CYP2C18: variants seen among roughly 807,000 people sequenced by gnomAD.
The protein encoded by CYP2C18 is cytochrome P450 family 2 subfamily C member 18, also known as cytochrome P450 2C18.
In CYP2C18, 38 loss-of-function variants were observed where a neutral mutation model predicts 41.3. The observed-to-expected ratio is 0.92, with a 90% confidence interval of 0.71 to 1.21. CYP2C18 has a LOEUF of 1.21. Among genes scored for constraint, CYP2C18 ranks in the 50% most tolerant of loss-of-function variants. The pLI is 0.00. For missense variants in CYP2C18, 635 were observed against 591.4 expected, an observed-to-expected ratio of 1.07 and a Z score of -0.77; for synonymous variants, 236 against 210.0, an observed-to-expected ratio of 1.12 and a Z score of -1.07.
rs113297790 is a variant in CYP2C18 at position 94,695,297 on chromosome 10, C to G, written c.642+220C>G. Among the ~76,000 whole-genome samples, 10 of 152,222 alleles carry G rather than the reference C, an allele frequency of 6.6e-5. No individual in the cohort carries two copies. In the East Asian group the frequency reaches 1.5e-3, roughly 24 times the overall value. On this transcript the variant is annotated intron_variant, in intron 4 of 8. Transcript: ENST00000285979. ...CCTAATGCTATCCCTCCCTTTACCC[C>G]CAATCACCCAACAGGCCCTGGTGTG...
intron 1 of CYP2C18, 74 bp downstream of exon 1, chr10:94,684,061 T>TTTATCAC: frequency 9.4e-7 from 1 of 1,058,984 alleles, no homozygotes; most frequent in Non-Finnish European, 1.3e-6. Context: ...TTTTATTTCA[T>TTTATCAC]TTTAAAGTGA....
chr10:94,735,568 A>G lies in CYP2C18; in HGVS notation c.*124A>G. On this transcript the variant is annotated 3_prime_UTR_variant, in exon 9 of 9. Coordinates refer to ENST00000285979, the MANE Select transcript of CYP2C18 (RefSeq NM_000772.3). ...CTGACTTGTCAATCCACATCTTCCCATTCCCTCAAGATCCAATGAACATCC... is the reference window on the plus strand; with the variant it reads ...CTGACTTGTCAATCCACATCTTCCCGTTCCCTCAAGATCCAATGAACATCC... The G allele has an allele frequency of 2.1e-6, 2 of 966,760 alleles. No homozygotes were observed. Among genetic ancestry groups the G allele is most frequent in the Admixed American group, 2.3e-5 (1 of 44,170 alleles). 59.9% of individuals were successfully genotyped at this position (966,760 alleles called of 1,614,324 possible).
chr10:94,723,979 T>A (rs1299428818), intron 6 of CYP2C18, among the ~76,000 whole-genome samples: 2 of 152,148 alleles, frequency 1.3e-5, no homozygotes, highest in East Asian at 3.9e-4. Flanking sequence ...AATTAAAGTT[T>A]TAAAACATTA....
At chr10:94,717,507 G>A (rs2134199851) in intron 5 of CYP2C18, among the ~76,000 whole-genome samples, 1 of 152,186 alleles carries the variant, frequency 6.6e-6, no homozygotes, top group South Asian at 2.1e-4. Flanking sequence ...TTGAATATCG[G>A]CCCCCACTCT....
Position 94,724,485 on chromosome 10 carries a change from C to G in CYP2C18, c.1101C>G (p.Pro367=), listed in dbSNP as rs756066548. 71 of 1,613,480 alleles carry G rather than the reference C, an allele frequency of 4.4e-5. No individual in the cohort carries two copies. Among genetic ancestry groups the G allele is most frequent in the East Asian group, 3.3e-4 (15 of 44,852 alleles). ...RYIDLLPTNL[P]HAVTCDVKFK... ...TTGACCTCCTCCCCACCAACCTGCC[C>G]CATGCAGTGACCTGTGATGTTAAAT... The change falls in exon 7 of 9, where the codon CCC becomes CCG. Residue 367 remains proline (P), a synonymous_variant. Transcript: ENST00000285979.
chr10:94,733,226 G>A, intron 7 of CYP2C18, 71 bp from the exon 8 acceptor site: 3 of 1,424,392 alleles, frequency 2.1e-6, no homozygotes, highest in Non-Finnish European at 2.9e-6. Flanking sequence ...GATTGGACTA[G>A]GTGATTTCCA....
At chr10:94,715,106 A>G (rs1589802154) in intron 5 of CYP2C18, among the ~76,000 whole-genome samples, 1 of 152,202 alleles carries the variant, frequency 6.6e-6, no homozygotes, top group South Asian at 2.1e-4. Flanking sequence ...TTCTAAATAT[A>G]CAATCATGTC....
intron 7 of CYP2C18, among the ~76,000 whole-genome samples, chr10:94,726,701 T>G (rs1847749054): frequency 1.3e-5 from 2 of 151,508 alleles, no homozygotes; most frequent in African/African-American, 4.9e-5. Context: ...GACTGTAACC[T>G]CTCTGAGTTC....
At chr10:94,732,885 C>T (rs1847857528) in intron 7 of CYP2C18, among the ~76,000 whole-genome samples, 1 of 151,780 alleles carries the variant, frequency 6.6e-6, no homozygotes, top group Admixed American at 6.6e-5. Context: ...TTATTTGTAC[C>T]CTAAACCTCA....
chr10:94,705,544 T>G (rs1414168354), intron 4 of CYP2C18, among the ~76,000 whole-genome samples: 1 of 152,216 alleles, frequency 6.6e-6, no homozygotes, highest in Non-Finnish European at 1.5e-5. Flanking sequence ...AAAGCTTTTC[T>G]ACTGTTTTTA....
intron 3 of CYP2C18, among the ~76,000 whole-genome samples, chr10:94,691,140 C>G (rs567376634): frequency 6.6e-6 from 1 of 152,262 alleles, no homozygotes; most frequent in South Asian, 2.1e-4. Context: ...TCTCACCACT[C>G]CCGTTCAACA....
intron 7 of CYP2C18, among the ~76,000 whole-genome samples, chr10:94,724,906 G>A (rs903243315): frequency 6.6e-6 from 1 of 151,808 alleles, no homozygotes; most frequent in Non-Finnish European, 1.5e-5. Context: ...TTGATGTCCT[G>A]ACAGGTTGAA....
rs114707863 is a variant in CYP2C18, at chr10:94,707,320, A to G, written c.819+360A>G. Among the ~76,000 whole-genome samples the G allele has an allele frequency of 3.1e-3, 470 of 152,330 alleles. 3 individuals are homozygous for G. The highest frequency in any genetic ancestry group is 0.011 in the African/African-American group (447 of 41,586). ...GGTTTAACCTAAGTGGGCCTCCTGC[A>G]TGTCCTGATGTTTGGTGTAAATGTT... On this transcript the variant is annotated intron_variant, in intron 5 of 8. Coordinates refer to ENST00000285979, the MANE Select transcript of CYP2C18 (RefSeq NM_000772.3).
chr10:94,687,966 G>A (rs1342191081), intron 2 of CYP2C18, 34 bp downstream of exon 2: 4 of 1,605,820 alleles, frequency 2.5e-6, no homozygotes, highest in Admixed American at 1.7e-5. Context: ...ATGTGTACAT[G>A]TGTATGTACT....
At position 94,706,978 on chromosome 10, in the gene CYP2C18, T is replaced by A; in HGVS notation, c.819+18T>A. On this transcript the variant is annotated intron_variant, in intron 5 of 8. Coordinates refer to ENST00000285979, the MANE Select transcript of CYP2C18 (RefSeq NM_000772.3). ...TGGAACAGGTAAAATGTTATTTGTTTGCCTGCATCTTGTGGTTCATTGATT... is the reference window on the plus strand; with the variant it reads ...TGGAACAGGTAAAATGTTATTTGTTAGCCTGCATCTTGTGGTTCATTGATT... 1 of 1,596,914 alleles carries A rather than the reference T, an allele frequency of 6.3e-7. No homozygotes were observed. The highest frequency in any genetic ancestry group is 8.5e-7 in the Non-Finnish European group (1 of 1,174,278).
intron 6 of CYP2C18, 60 bp downstream of exon 6, chr10:94,720,597 CTATTGTCCTCAA>C: frequency 6.8e-7 from 1 of 1,472,096 alleles, no homozygotes; most frequent in South Asian, 1.2e-5. Context: ...GAAGACACTG[CTATTGTCCTCAA>C]TCTTGTTTCT....
rs574215474 is a variant in CYP2C18 at position 94,690,555 on chromosome 10, CA to C, written c.481+2288del. Among the ~76,000 whole-genome samples the C allele has an allele frequency of 3.7e-3, 559 of 151,982 alleles. 1 individual carries two copies. Among genetic ancestry groups the C allele is most frequent in the Non-Finnish European group, 5.7e-3 (390 of 67,952 alleles). ...AGGCAATAATTAATAGCTTACCAAC[CA>C]AAAAAAGTCCAGGACCAGATGGATT... On this transcript the variant is annotated intron_variant, in intron 3 of 8. Coordinates refer to ENST00000285979, the MANE Select transcript of CYP2C18 (RefSeq NM_000772.3).
chr10:94,722,174 A>G (rs542570423), intron 6 of CYP2C18, among the ~76,000 whole-genome samples: 1 of 152,280 alleles, frequency 6.6e-6, no homozygotes, highest in Admixed American at 6.5e-5. Flanking sequence ...ACTTAGGTGT[A>G]TAATAAAGGT....
At chr10:94,710,724 T>A (rs1396807263) in intron 5 of CYP2C18, among the ~76,000 whole-genome samples, 1 of 152,184 alleles carries the variant, frequency 6.6e-6, no homozygotes, top group African/African-American at 2.4e-5. Context: ...AAAACTGTGT[T>A]AAGTTGATGT....
Sources: allele counts gnomAD v4.1 joint callset (sites outside exome capture counted in the v4.1 genomes callset), GRCh38; gene constraint gnomAD v4.1.1; transcripts MANE v1.5; gene names NCBI Gene and HGNC (gene_info 2026-07-23, HGNC 2026-07-21).